Variants in SHC2 observed in about 807,000 individuals in gnomAD.
SHC2 encodes SHC adaptor protein 2.
In SHC2, 62 loss-of-function variants were observed where a neutral mutation model predicts 60.6. The observed-to-expected ratio is 1.02, with a 90% CI of 0.83 to 1.26. SHC2 has a LOEUF of 1.26. Among genes scored for constraint, SHC2 ranks in the 50% most tolerant of loss-of-function variants. SHC2 has a pLI of 0.00. For missense variants in SHC2, 873 were observed against 822.2 expected, an observed-to-expected ratio of 1.06 and a Z score of -0.76; for synonymous variants, 375 against 372.4, an observed-to-expected ratio of 1.01 and a Z score of -0.08.
At chr19:456,180 G>A (rs11671867) in intron 1 of SHC2, among the ~76,000 whole-genome samples, 14,762 of 152,238 alleles carry the variant, frequency 0.097, 878 homozygotes, top group Middle Eastern at 0.21. Flanking sequence ...CTGAGCCGCC[G>A]GCCGCAGCCC....
chr19:460,666 G>T lies in SHC2; in HGVS notation c.331C>A (p.Arg111=). 9.0e-7 allele frequency: 1 copy of T among 1,114,466 alleles called. No homozygotes were observed. The highest frequency in any genetic ancestry group is 3.8e-5 in the South Asian group (1 of 26,300). 69.0% of individuals were successfully genotyped at this position (1,114,466 alleles called of 1,614,324 possible). A position where few individuals can be genotyped will look rare whatever the true frequency, so the allele number is the denominator to read the frequency against. Residue 111 remains arginine, a synonymous_variant, in exon 1 of 13, where the codon CGG becomes AGG. Coordinates refer to ENST00000264554, the MANE Select transcript of SHC2 (RefSeq NM_012435.3). ...GAGSRGSRGG[R]GAAGSGDAAA... Reference sequence around the variant, plus strand: ...GCGTCCCCGGACCCCGCCGCCCCCCGCCCGCCCCGCGACCCCCGCGACCCC... The same window carrying T: ...GCGTCCCCGGACCCCGCCGCCCCCCTCCCGCCCCGCGACCCCCGCGACCCC...
intron 1 of SHC2, among the ~76,000 whole-genome samples, chr19:456,139 G>A (rs1043571209): frequency 6.6e-5 from 10 of 152,168 alleles, no homozygotes; most frequent in South Asian, 2.1e-4. Context: ...CAGTGCACAG[G>A]GTCCCTCCAG....
chr19:417,506 T>A (rs980544631), intron 12 of SHC2, among the ~76,000 whole-genome samples, 184 bp from the exon 13 acceptor site: 25 of 152,336 alleles, frequency 1.6e-4, no homozygotes, highest in Admixed American at 1.6e-3. Context: ...GTCCTTGCTG[T>A]GGACCTAGGG....
Position 429,256 on chromosome 19 carries a change from A to T in SHC2, c.1174+1428T>A, listed in dbSNP as rs571562359. Among the ~76,000 whole-genome samples the T allele has an allele frequency of 7.8e-5, 11 of 141,088 alleles. No homozygotes were observed. The South Asian group carries it at 2.6e-3, about 34-fold the overall frequency. The allele number at this position is 141,088 out of a possible 152,430, so 92.6% of individuals were successfully genotyped here. A position where few individuals can be genotyped will look rare whatever the true frequency, so the allele number is the denominator to read the frequency against. On this transcript the variant is annotated intron_variant, in intron 9 of 12. Transcript: ENST00000264554. Reference sequence around the variant, plus strand: ...GGATGACACAGTACCTATACCCAACATGCACGGAAACCTCATACCGTGTGG... The same window carrying T: ...GGATGACACAGTACCTATACCCAACTTGCACGGAAACCTCATACCGTGTGG...
Position 448,220 on chromosome 19 carries a change from C to A in SHC2, c.469-7288G>T, listed in dbSNP as rs147580458. Among the ~76,000 whole-genome samples, 369 of 152,348 alleles carry A rather than the reference C, an allele frequency of 2.4e-3. 4 individuals carry two copies. Among genetic ancestry groups the A allele is most frequent in the African/African-American group, 8.6e-3 (356 of 41,578 alleles). On this transcript the variant is annotated intron_variant, in intron 1 of 12. Transcript: ENST00000264554. ...AAAAGTCACCTTCACCAAGTACATT[C>A]ATTTCCCAGGGCTGCCGTGAGCAAA...
chr19:418,319 C>T (rs755659765), intron 12 of SHC2, among the ~76,000 whole-genome samples: 3 of 152,236 alleles, frequency 2.0e-5, no homozygotes, highest in Admixed American at 6.5e-5. Context: ...CCAGGTGACG[C>T]CCACCACAGC....
rs1974780569 is a variant in SHC2, at chr19:438,791, CGAAGGT to C, written c.641_646del (p.Asn214_Arg216delinsSer). On this transcript the variant is annotated inframe_deletion, in exon 4 of 13. Coordinates refer to ENST00000264554, the MANE Select transcript of SHC2 (RefSeq NM_012435.3). This position sits in a 1 kb window ranked among gnomAD's most constrained non-coding sequence, Gnocchi z 5.0. ...GATGGAGATGCTCATGCCGGCAAAG[CGAAGGT>C]TGCTCTTGCCCAGGACGGACGCCAG... is the stretch of plus-strand genomic sequence containing the variant. 1.3e-6 allele frequency: 2 copies of C among 1,576,426 alleles called. No homozygotes were observed. Among genetic ancestry groups the C allele is most frequent in the Non-Finnish European group, 1.7e-6 (2 of 1,162,382 alleles).
At chr19:451,585 C>A (rs1277999175) in intron 1 of SHC2, among the ~76,000 whole-genome samples, 1 of 152,166 alleles carries the variant, frequency 6.6e-6, no homozygotes, top group Admixed American at 6.5e-5. Flanking sequence ...AGGTAATTCT[C>A]TTTAACTTTT....
intron 9 of SHC2, among the ~76,000 whole-genome samples, chr19:430,475 C>T (rs1819802648): frequency 6.6e-6 from 1 of 152,196 alleles, no homozygotes; most frequent in Non-Finnish European, 1.5e-5. Flanking sequence ...TAATGTAGTA[C>T]TTATACCCAA....
chr19:419,006 G>A lies in SHC2; in HGVS notation c.1671C>T (p.His557=). Residue 557 remains histidine, a synonymous_variant, in exon 12 of 13, where the codon CAC becomes CAT. Coordinates refer to ENST00000264554, the MANE Select transcript of SHC2 (RefSeq NM_012435.3). The part of the protein sequence containing the change: ...LFESISHLID[H]HLQNGQPIVA... ...CGATGGGCTGCCCGTTCTGCAGGTG[G>A]TGGTCGATCAGGTGGCTGATGCTCT... The A allele has an allele frequency of 6.3e-7, 1 of 1,587,514 alleles. No homozygotes were observed. Among genetic ancestry groups the A allele is most frequent in the East Asian group, 2.3e-5 (1 of 43,462 alleles).
chr19:457,235 T>A (rs376127253), intron 1 of SHC2, among the ~76,000 whole-genome samples: 4 of 136,152 alleles, frequency 2.9e-5, no homozygotes, highest in African/African-American at 5.6e-5. Context: ...CCTTTGCACC[T>A]GCACCTGCTG....
intron 1 of SHC2, among the ~76,000 whole-genome samples, chr19:443,192 G>A (rs1974950737): frequency 6.6e-6 from 1 of 151,244 alleles, no homozygotes; most frequent in African/African-American, 2.4e-5. Context: ...GTGCATGGGT[G>A]GATGGGTGGG....
intron 8 of SHC2, among the ~76,000 whole-genome samples, chr19:431,489 G>A (rs1314310149): frequency 2.2e-5 from 1 of 44,746 alleles, no homozygotes; most frequent in Non-Finnish European, 3.6e-5. Flanking sequence ...AGGAGGCCGG[G>A]CAGATGGCGC....
intron 9 of SHC2, among the ~76,000 whole-genome samples, chr19:426,444 G>A (rs1222956289): frequency 4.3e-4 from 52 of 121,524 alleles, no homozygotes; most frequent in Non-Finnish European, 7.2e-4. Context: ...GGCAGAGTCC[G>A]GGGAGGGAGG....
intron 1 of SHC2, among the ~76,000 whole-genome samples, chr19:458,843 G>C (rs1331159374): frequency 1.3e-5 from 2 of 151,936 alleles, no homozygotes; most frequent in East Asian, 3.9e-4. Context: ...GAGGGTTCCG[G>C]GGAGGCGGAA....
Position 438,664 on chromosome 19 carries a change from G to T in SHC2, c.720+54C>A. The stretch of plus-strand genomic sequence containing the variant: ...CACCCCACCTGGCTTTGCCTCCTAG[G>T]ACTCCTGGCCCCTCTGGGGGTCTGG... On this transcript the variant is annotated intron_variant, in intron 4 of 12. Transcript: ENST00000264554. This position sits in a 1 kb window ranked among gnomAD's most constrained non-coding sequence, Gnocchi z 5.0. The T allele has an allele frequency of 1.3e-6, 2 of 1,534,688 alleles. No individual in the cohort carries two copies. The highest frequency in any genetic ancestry group is 2.7e-5 in the African/African-American group (2 of 72,874).
chr19:451,630 C>T (rs1975201444), intron 1 of SHC2, among the ~76,000 whole-genome samples: 1 of 152,246 alleles, frequency 6.6e-6, no homozygotes, highest in Non-Finnish European at 1.5e-5. Context: ...CATAGTCTCA[C>T]TCTGTCGCCC....
intron 1 of SHC2, among the ~76,000 whole-genome samples, chr19:447,456 G>C (rs1975078514): frequency 6.6e-6 from 1 of 152,204 alleles, no homozygotes; most frequent in Non-Finnish European, 1.5e-5. Flanking sequence ...TTGGGATTAG[G>C]GTATGCGAAT....
Position 422,134 on chromosome 19 carries a change from T to C in SHC2, c.1620+12A>G. 2 of 1,576,218 alleles carry C rather than the reference T, an allele frequency of 1.3e-6. No individual in the cohort carries two copies. Among genetic ancestry groups the C allele is most frequent in the Admixed American group, 1.8e-5 (1 of 56,808 alleles). On this transcript the variant is annotated intron_variant, in intron 11 of 12. Transcript: ENST00000264554. This position sits in a 1 kb window ranked among gnomAD's most constrained non-coding sequence, Gnocchi z 5.0. ...GGATGCCCCGAGACCCTCCCACCTG[T>C]GCACAGCTTACCACGCCCTCGGGGT...
Sources: gnomAD v4.1 joint callset for allele counts (sites outside exome capture counted in the v4.1 genomes callset) on GRCh38, gnomAD v4.1.1 for gene constraint, Gnocchi (gnomAD v3.1) non-coding constraint, MANE v1.5 for transcripts, NCBI Gene and HGNC (gene_info 2026-07-23, HGNC 2026-07-21) for gene names.